The following HRH2 variants were observed in gnomAD, a reference collection of about 807,000 sequenced individuals.
HRH2 encodes histamine H2 receptor.
A neutral mutation model predicts 20.1 loss-of-function variants in HRH2; 4 were observed. The ratio of observed to expected loss-of-function variants is 0.20; its 90% confidence interval spans 0.10 to 0.45. The LOEUF (loss-of-function observed/expected upper bound fraction) is 0.45, where lower values mean the gene tolerates loss of function less well. Ranked by LOEUF, HRH2 falls within the 20% of genes least tolerant of loss-of-function variation. The probability of loss-of-function intolerance (pLI) is 0.99; values close to 1 mark genes in which losing one functional copy is unlikely to be tolerated. For missense variants in HRH2, 250 were observed against 461.6 expected (o/e 0.54, Z 4.20); for synonymous variants, 197 against 200.7 (o/e 0.98, Z 0.16).
chr5:175,662,597 C>T (rs1762770336), intron 1 of HRH2, among the ~76,000 whole-genome samples: 1 of 152,198 alleles, frequency 6.6e-6, no homozygotes, highest in Non-Finnish European at 1.5e-5. Context: ...GGCCTCCCTG[C>T]TTCCCCTCTG....
Position 175,681,470 on chromosome 5 carries a change from G to A in HRH2, c.-525-1239G>A, listed in dbSNP as rs1755970600. ...GCACACACTCAGAGCTCAGGAGATT[G>A]CCTGCTCTCTGAAAAACCAGGAGGA... On this transcript the variant is annotated intron_variant, in intron 1 of 2. Transcript: ENST00000636584. The surrounding 1 kb of genome is among the most constrained non-coding windows in gnomAD (Gnocchi z 4.3). 1.3e-5 allele frequency among the ~76,000 whole-genome samples: 2 copies of A among 152,174 alleles called. No individual in the cohort carries two copies. Among genetic ancestry groups the A allele is most frequent in the South Asian group, 4.1e-4 (2 of 4,830 alleles).
At chr5:175,702,730 T>G (rs2113561711) in intron 2 of HRH2, among the ~76,000 whole-genome samples, 1 of 148,874 alleles carries the variant, frequency 6.7e-6, no homozygotes, top group South Asian at 2.1e-4. Flanking sequence ...TTTTTCTTTT[T>G]TTTTTTTTTT....
intron 2 of HRH2, among the ~76,000 whole-genome samples, chr5:175,692,168 CCT>C (rs779838248): frequency 9.2e-5 from 14 of 152,362 alleles, no homozygotes; most frequent in African/African-American, 2.9e-4. Flanking sequence ...CCATTCAATC[CCT>C]GTTGCAGTGC....
At chr5:175,689,890 G>T (rs921913536) in intron 2 of HRH2, among the ~76,000 whole-genome samples, 2 of 152,190 alleles carry the variant, frequency 1.3e-5, no homozygotes, top group African/African-American at 4.8e-5. Context: ...TCCTGGTTTG[G>T]CCAGAAGTCA....
intron 2 of HRH2, among the ~76,000 whole-genome samples, chr5:175,690,047 G>T (rs374850857): frequency 2.0e-5 from 3 of 152,354 alleles, no homozygotes; most frequent in African/African-American, 7.2e-5. Flanking sequence ...GTCAGAATGT[G>T]TTCACCCCTT....
chr5:175,678,011 T>C (rs1489606176), intron 1 of HRH2, among the ~76,000 whole-genome samples: 1 of 152,242 alleles, frequency 6.6e-6, no homozygotes, highest in Admixed American at 6.5e-5. Flanking sequence ...CCAGTTACCT[T>C]GTTCCCATCT....
intron 2 of HRH2, among the ~76,000 whole-genome samples, chr5:175,689,956 AG>A (rs1289021621): frequency 6.6e-6 from 1 of 152,216 alleles, no homozygotes; most frequent in Admixed American, 6.5e-5. Flanking sequence ...ATCCAATCTC[AG>A]AAGATGAGGC....
chr5:175,666,830 T>C (rs1050125840), intron 1 of HRH2, among the ~76,000 whole-genome samples: 6 of 152,166 alleles, frequency 3.9e-5, no homozygotes, highest in Admixed American at 2.6e-4. Context: ...TGGTTGTTTT[T>C]TCTTTTCCCT....
chr5:175,673,669 A>G (rs1275034402), intron 1 of HRH2, among the ~76,000 whole-genome samples: 1 of 149,030 alleles, frequency 6.7e-6, no homozygotes, highest in Non-Finnish European at 1.5e-5. Flanking sequence ...AACACGGTGC[A>G]TTGTATGTTA....
intron 1 of HRH2, among the ~76,000 whole-genome samples, chr5:175,668,561 T>C (rs1755397604): frequency 6.6e-6 from 1 of 152,176 alleles, no homozygotes; most frequent in East Asian, 1.9e-4. Flanking sequence ...CTGGCCAAAA[T>C]TGACTAACTG....
At chr5:175,668,658 G>A (rs982002630) in intron 1 of HRH2, among the ~76,000 whole-genome samples, 5 of 152,236 alleles carry the variant, frequency 3.3e-5, no homozygotes, top group African/African-American at 9.6e-5. Flanking sequence ...GATGAGAGTC[G>A]CGGTGAGGGG....
At chr5:175,660,054 A>G (rs975793712) in intron 1 of HRH2, among the ~76,000 whole-genome samples, 7 of 152,120 alleles carry the variant, frequency 4.6e-5, no homozygotes, top group African/African-American at 1.4e-4. Flanking sequence ...TCTCCATCCT[A>G]GGCTGATGAT....
rs531006443 is a variant in HRH2, at chr5:175,662,879, G to A, written c.-526+4724G>A. 2.6e-4 allele frequency among the ~76,000 whole-genome samples: 39 copies of A among 152,052 alleles called. 1 individual carries two copies. Among genetic ancestry groups the A allele is most frequent in the Admixed American group, 2.3e-3 (35 of 15,258 alleles). Reference sequence around the variant, plus strand: ...AGCAACCACAGGTCTACTTTCCCTCGCTATAGGTTTGCCTATTCTGGACAT... The same window carrying A: ...AGCAACCACAGGTCTACTTTCCCTCACTATAGGTTTGCCTATTCTGGACAT... On this transcript the variant is annotated intron_variant, in intron 1 of 2. Transcript: ENST00000636584.
At position 175,684,130 on chromosome 5, in the gene HRH2, C is replaced by T. The variant is rs1421895537; in HGVS notation, c.897C>T (p.Tyr299=). Residue 299 remains tyrosine, a synonymous_variant, in exon 2 of 3, where the codon TAC becomes TAT. Transcript: ENST00000636584. The part of the protein sequence containing the change: ...AALNRDFRTG[Y]QQLFCCRLAN... ...TGAACAGAGACTTCCGCACCGGGTA[C>T]CAACAGCTCTTCTGCTGCAGGCTGG... The T allele has an allele frequency of 3.7e-6, 6 of 1,614,180 alleles. No homozygotes were observed. Among genetic ancestry groups the T allele is most frequent in the Non-Finnish European group, 4.2e-6 (5 of 1,180,032 alleles).
rs752829 is a variant in HRH2 at position 175,708,005 on chromosome 5, G to A, written c.*34G>A. On this transcript the variant is annotated 3_prime_UTR_variant, in exon 3 of 3. Transcript: ENST00000636584. ...CCAGGACACTGAAGATACCGCTCCC[G>A]GTCCCCAAGATGTGACTCCTGGAGC... 3.2e-3 allele frequency: 1,296 copies of A among 399,048 alleles called. 6 individuals carry two copies. The highest frequency in any genetic ancestry group is 5.7e-3 in the Middle Eastern group (9 of 1,588). 24.7% of individuals were successfully genotyped at this position (399,048 alleles called of 1,614,324 possible).
At chr5:175,684,590 C>T (rs894606010) in intron 2 of HRH2, among the ~76,000 whole-genome samples, 1 of 152,226 alleles carries the variant, frequency 6.6e-6, no homozygotes, top group Admixed American at 6.5e-5. Context: ...ACTCGCAAGC[C>T]CTTTTTCCCA....
chr5:175,661,275 A>C (rs2913218), intron 1 of HRH2, among the ~76,000 whole-genome samples: 38,036 of 150,594 alleles, frequency 0.25, 6,694 homozygotes, highest in African/African-American at 0.52. Context: ...TTGCCAGCAC[A>C]CAGGATGTCT....
chr5:175,707,427 C>A (rs1329467638), intron 2 of HRH2, among the ~76,000 whole-genome samples: 1 of 152,304 alleles, frequency 6.6e-6, no homozygotes, highest in African/African-American at 2.4e-5. Context: ...AAGACCCTGT[C>A]TCAAAAACCA....
At chr5:175,695,743 G>A (rs771569881) in intron 2 of HRH2, among the ~76,000 whole-genome samples, 18 of 152,230 alleles carry the variant, frequency 1.2e-4, no homozygotes, top group Non-Finnish European at 2.4e-4. Context: ...AGCAAACTAA[G>A]GCAGAGGGTG....
Sources: gnomAD v4.1 joint callset for allele counts (sites outside exome capture counted in the v4.1 genomes callset) on GRCh38, gnomAD v4.1.1 for gene constraint, Gnocchi (gnomAD v3.1) non-coding constraint, MANE v1.5 for transcripts, NCBI Gene and HGNC (gene_info 2026-07-23, HGNC 2026-07-21) for gene names.